KCNMB2: variants seen among roughly 807,000 people sequenced by gnomAD.
KCNMB2 encodes the protein calcium-activated potassium channel subunit beta-2.
A neutral mutation model predicts 24.5 loss-of-function variants in KCNMB2; 9 were observed. The ratio of observed to expected loss-of-function variants is 0.37; its 90% confidence interval spans 0.22 to 0.64. KCNMB2 has a LOEUF of 0.64. Among genes scored for constraint, KCNMB2 ranks in the 30% least tolerant of loss-of-function variants. The probability of loss-of-function intolerance (pLI) is 0.63; values close to 1 mark genes in which losing one functional copy is unlikely to be tolerated. For missense variants in KCNMB2, 226 were observed against 284.3 expected (o/e 0.79, Z 1.47); for synonymous variants, 109 against 104.4 (o/e 1.04, Z -0.27).
chr3:178,815,306 T>C (rs1038257727), intron 2 of KCNMB2, among the ~76,000 whole-genome samples: 3 of 151,946 alleles, frequency 2.0e-5, no homozygotes, highest in African/African-American at 7.3e-5. Flanking sequence ...GCCTGGCTAA[T>C]TTTCTTTTTA....
intron 1 of KCNMB2, among the ~76,000 whole-genome samples, chr3:178,703,866 TA>T (rs1358668406): frequency 6.6e-6 from 1 of 152,176 alleles, no homozygotes; most frequent in Non-Finnish European, 1.5e-5. Context: ...ACACATTTAT[TA>T]TAAGATGTTA....
At chr3:178,575,094 A>T (rs1367041952) in intron 1 of KCNMB2, among the ~76,000 whole-genome samples, 1 of 152,214 alleles carries the variant, frequency 6.6e-6, no homozygotes. Flanking sequence ...TAAAATCTGT[A>T]TCTTTGTGAT....
chr3:178,675,961 T>C (rs1178158866), intron 1 of KCNMB2, among the ~76,000 whole-genome samples: 1 of 152,194 alleles, frequency 6.6e-6, no homozygotes, highest in Non-Finnish European at 1.5e-5. Context: ...TTGTTCAAAA[T>C]ACTTATTACC....
chr3:178,827,669 T>C (rs946641341), intron 3 of KCNMB2, among the ~76,000 whole-genome samples: 1 of 152,188 alleles, frequency 6.6e-6, no homozygotes, highest in African/African-American at 2.4e-5. Context: ...TGTCCTTCCA[T>C]CTCTGTCAAG....
chr3:178,802,874 C>G (rs993657118), intron 1 of KCNMB2, among the ~76,000 whole-genome samples: 3 of 151,918 alleles, frequency 2.0e-5, no homozygotes, highest in Non-Finnish European at 2.9e-5. Context: ...GCCACTGACC[C>G]ATAAGAAAAA....
intron 1 of KCNMB2, among the ~76,000 whole-genome samples, chr3:178,738,692 T>C (rs1031456152): frequency 6.6e-6 from 1 of 152,156 alleles, no homozygotes; most frequent in Non-Finnish European, 1.5e-5. Flanking sequence ...CTCTTGACTC[T>C]CCATAGTAGA....
chr3:178,650,475 G>A lies in KCNMB2; in HGVS notation c.-68+113764G>A, dbSNP rs573320073. Among the ~76,000 whole-genome samples the A allele has an allele frequency of 2.5e-3, 383 of 152,138 alleles. 1 individual carries two copies. Among genetic ancestry groups the A allele is most frequent in the South Asian group, 4.2e-3 (20 of 4,814 alleles). On this transcript the variant is annotated intron_variant, in intron 1 of 4. Transcript: ENST00000452583. ...CTACTATTATTATGTGGGAGTCTAC[G>A]TCTTTTTGTAGGTGTCTAAGATCTT...
intron 1 of KCNMB2, among the ~76,000 whole-genome samples, chr3:178,784,246 C>T (rs959546565): frequency 1.2e-4 from 19 of 152,086 alleles, no homozygotes; most frequent in African/African-American, 3.6e-4. Context: ...CATAGCAAAA[C>T]AATTGTTGGA....
intron 1 of KCNMB2, among the ~76,000 whole-genome samples, chr3:178,689,308 A>G (rs1202074619): frequency 6.6e-6 from 1 of 152,128 alleles, no homozygotes; most frequent in African/African-American, 2.4e-5. Context: ...AAAGGGTGTT[A>G]CCAGCTAGAA....
chr3:178,733,393 T>C (rs572067066), intron 1 of KCNMB2, among the ~76,000 whole-genome samples: 42 of 152,270 alleles, frequency 2.8e-4, no homozygotes, highest in African/African-American at 9.9e-4. Context: ...TTGTAAGGGG[T>C]TTGACTTTTA....
intron 1 of KCNMB2, among the ~76,000 whole-genome samples, chr3:178,678,611 C>T (rs961637470): frequency 5.3e-5 from 8 of 152,184 alleles, no homozygotes; most frequent in African/African-American, 1.9e-4. Flanking sequence ...TAGTCCAGTA[C>T]CCAGAACACT....
At chr3:178,598,288 C>A (rs73054330) in intron 1 of KCNMB2, among the ~76,000 whole-genome samples, 1 of 152,076 alleles carries the variant, frequency 6.6e-6, no homozygotes, top group Non-Finnish European at 1.5e-5. Flanking sequence ...AGCGACATAG[C>A]GCCACTTTTC....
chr3:178,787,956 T>C (rs564467391), intron 1 of KCNMB2, among the ~76,000 whole-genome samples: 79 of 152,282 alleles, frequency 5.2e-4, no homozygotes, highest in African/African-American at 1.8e-3. Flanking sequence ...GGTAAAGAGT[T>C]CTCATAAAGG....
At chr3:178,757,361 T>C (rs1299632659) in intron 1 of KCNMB2, among the ~76,000 whole-genome samples, 1 of 82,948 alleles carries the variant, frequency 1.2e-5, no homozygotes. Flanking sequence ...TATATATATA[T>C]ATATATATAT....
intron 1 of KCNMB2, among the ~76,000 whole-genome samples, chr3:178,561,096 C>T (rs1337746044): frequency 6.6e-6 from 1 of 152,110 alleles, no homozygotes; most frequent in Non-Finnish European, 1.5e-5. Flanking sequence ...TCTATTGAAT[C>T]GTATTCACAA....
intron 4 of KCNMB2, among the ~76,000 whole-genome samples, chr3:178,830,681 G>GACTA (rs745931830): frequency 6.6e-6 from 1 of 152,038 alleles, no homozygotes; most frequent in Non-Finnish European, 1.5e-5. Flanking sequence ...TGATTCTGAT[G>GACTA]ACTAATGTTA....
At chr3:178,740,268 G>A (rs750769492) in intron 1 of KCNMB2, among the ~76,000 whole-genome samples, 16 of 151,874 alleles carry the variant, frequency 1.1e-4, no homozygotes, top group Non-Finnish European at 2.2e-4. Context: ...ACAGGCACCT[G>A]CCACCACACC....
At chr3:178,737,258 G>A (rs1723349286) in intron 1 of KCNMB2, among the ~76,000 whole-genome samples, 2 of 151,738 alleles carry the variant, frequency 1.3e-5, no homozygotes, top group South Asian at 4.2e-4. Flanking sequence ...GACAGAGTGA[G>A]ATTCTGTTTA....
chr3:178,756,669 T>A (rs963434347), intron 1 of KCNMB2, among the ~76,000 whole-genome samples: 1 of 152,078 alleles, frequency 6.6e-6, no homozygotes, highest in Non-Finnish European at 1.5e-5. Flanking sequence ...ATTCAGCCAT[T>A]TCTCCCTTCC....
Sources: allele counts gnomAD v4.1 joint callset (sites outside exome capture counted in the v4.1 genomes callset), GRCh38; gene constraint gnomAD v4.1.1; transcripts MANE v1.5; gene names NCBI Gene and HGNC (gene_info 2026-07-23, HGNC 2026-07-21).